Variants in CENPM observed in about 807,000 individuals in gnomAD.
CENPM encodes interphase centromere complex protein 39.
CENPM carries 14 observed loss-of-function variants against 19.6 expected under a neutral mutation model. The ratio of observed to expected loss-of-function variants is 0.71; its 90% CI spans 0.47 to 1.11. The LOEUF is 1.11. Ranked by LOEUF, CENPM falls within the 50% of genes most tolerant of loss-of-function variation. The probability of loss-of-function intolerance (pLI) is 0.00; values close to 1 mark genes in which losing one functional copy is unlikely to be tolerated. For synonymous variants in CENPM, 114 were observed against 101.5 expected (o/e 1.12, Z -0.74); for missense variants, 239 against 228.4 (o/e 1.05, Z -0.30).
intron 5 of CENPM, among the ~76,000 whole-genome samples, chr22:41,941,741 G>A (rs1331284889): frequency 6.6e-6 from 1 of 152,250 alleles, no homozygotes; most frequent in Non-Finnish European, 1.5e-5. Context: ...AGGCCTCAGG[G>A]TCCCATCTGT....
the CENPM span, among the ~76,000 whole-genome samples, chr22:41,927,411 C>G: frequency 5.9e-5 from 9 of 152,170 alleles, no homozygotes; most frequent in Non-Finnish European, 1.3e-4. Context: ...CAAAGCCTCT[C>G]CATGACCCCG....
chr22:41,937,351 A>G (rs535484718), downstream of CENPM, among the ~76,000 whole-genome samples: 1 of 152,194 alleles, frequency 6.6e-6, no homozygotes, highest in Non-Finnish European at 1.5e-5. Context: ...GCTGAAGTGC[A>G]GTGGTACGAT....
intron 3 of CENPM, 115 bp from the exon 4 acceptor site, chr22:41,945,419 C>G: frequency 6.8e-7 from 1 of 1,460,792 alleles, no homozygotes; most frequent in Non-Finnish European, 9.2e-7. Flanking sequence ...AAGAGGGTGA[C>G]TTTCTCTGGA....
the CENPM span, among the ~76,000 whole-genome samples, chr22:41,930,447 G>A: frequency 2.6e-5 from 4 of 152,036 alleles, no homozygotes; most frequent in African/African-American, 9.7e-5. Flanking sequence ...TAGCCAGGCT[G>A]GTCTTGAACT....
In CENPM at chr22:41,945,947, T is replaced by C. The variant is rs2077795428; in HGVS notation, c.196A>G (p.Ile66Val). ...CTGTGAAGATTAACCACAAACACGA[T>C]CAGGTCAATTCGGGGCCGATTCACA... ...SSVNRPRIDL[I>V]VFVVNLHSKY... The change falls in exon 3 of 6, where the codon ATC becomes GTC. Residue 66 changes from isoleucine to valine, a missense_variant. Ile to Val is a conservative substitution (Grantham distance 29). Transcript: ENST00000215980. 1 of 1,613,804 alleles carries C rather than the reference T, an allele frequency of 6.2e-7. No homozygotes were observed. The highest frequency in any genetic ancestry group is 8.5e-7 in the Non-Finnish European group (1 of 1,179,944).
At chr22:41,940,866 G>A (rs2077733052) in intron 5 of CENPM, among the ~76,000 whole-genome samples, 1 of 152,050 alleles carries the variant, frequency 6.6e-6, no homozygotes, top group South Asian at 2.1e-4. Flanking sequence ...CAGCAGCCTC[G>A]ACCCAGCCTC....
At chr22:41,930,193 G>A in the CENPM span, among the ~76,000 whole-genome samples, 9 of 148,914 alleles carry the variant, frequency 6.0e-5, no homozygotes, top group African/African-American at 1.7e-4. Context: ...TGCCCGCCTC[G>A]CCCTCCCAAA....
At chr22:41,941,392 C>T (rs1317413273) in intron 5 of CENPM, among the ~76,000 whole-genome samples, 1 of 152,212 alleles carries the variant, frequency 6.6e-6, no homozygotes, top group African/African-American at 2.4e-5. Context: ...GCGGCGGGAA[C>T]CAGGCTGGGA....
chr22:41,935,655 G>T (rs1174550416), downstream of CENPM, among the ~76,000 whole-genome samples: 1 of 152,182 alleles, frequency 6.6e-6, no homozygotes, highest in African/African-American at 2.4e-5. Context: ...GCGGGCGAAG[G>T]CCTGCTCAGG....
the CENPM span, among the ~76,000 whole-genome samples, chr22:41,928,919 T>C: frequency 2.0e-5 from 3 of 151,932 alleles, no homozygotes; most frequent in Admixed American, 2.0e-4. This position sits in a 1 kb window ranked among gnomAD's most constrained non-coding sequence, Gnocchi z 4.0. Context: ...CCCCCAGGTT[T>C]CCAGCTTGGG....
the CENPM span, among the ~76,000 whole-genome samples, chr22:41,932,795 C>T: frequency 1.3e-5 from 2 of 152,206 alleles, no homozygotes; most frequent in African/African-American, 2.4e-5. This position sits in a 1 kb window ranked among gnomAD's most constrained non-coding sequence, Gnocchi z 4.3. Flanking sequence ...GCCAACCTCC[C>T]AGGCCTTATT....
the CENPM span, among the ~76,000 whole-genome samples, chr22:41,931,750 G>A: frequency 1.3e-5 from 2 of 152,072 alleles, no homozygotes; most frequent in African/African-American, 2.4e-5. Context: ...CTTCAGGGAC[G>A]GGGTTGGGGA....
At chr22:41,936,973 G>A (rs140109430), downstream of CENPM, among the ~76,000 whole-genome samples, 575 of 152,234 alleles carry the variant, frequency 3.8e-3, 2 homozygotes, top group African/African-American at 0.012. Context: ...CCGAGGTGCT[G>A]GTGCAGTGCT....
At chr22:41,932,579 C>A in the CENPM span, among the ~76,000 whole-genome samples, 1 of 152,250 alleles carries the variant, frequency 6.6e-6, no homozygotes. The surrounding 1 kb of genome is among the most constrained non-coding windows in gnomAD (Gnocchi z 4.3). Flanking sequence ...CTCCTGCACT[C>A]CACAGGGTCT....
At chr22:41,930,838 C>CTTTT in the CENPM span, among the ~76,000 whole-genome samples, 16 of 122,532 alleles carry the variant, frequency 1.3e-4, no homozygotes, top group African/African-American at 4.7e-4. Flanking sequence ...TTATTCAAGT[C>CTTTT]TTTTTTTTTT....
intron 5 of CENPM, 87 bp downstream of exon 5, chr22:41,943,523 T>A: frequency 2.6e-6 from 3 of 1,165,050 alleles, no homozygotes; most frequent in Non-Finnish European, 3.7e-6. Flanking sequence ...AGTCCTTCGA[T>A]AAGCATTCCC....
chr22:41,936,750 G>A (rs1438297160), downstream of CENPM, among the ~76,000 whole-genome samples: 7 of 152,286 alleles, frequency 4.6e-5, no homozygotes, highest in East Asian at 1.9e-4. Context: ...CCAACATGGC[G>A]AAACCTGTGT....
downstream of CENPM, among the ~76,000 whole-genome samples, chr22:41,936,541 T>C (rs566792436): frequency 1.3e-5 from 2 of 152,258 alleles, no homozygotes; most frequent in South Asian, 4.1e-4. Flanking sequence ...AAGGGGCAGA[T>C]AGGGCCGCAT....
downstream of CENPM, among the ~76,000 whole-genome samples, chr22:41,937,496 G>A (rs1214923456): frequency 6.6e-6 from 1 of 152,090 alleles, no homozygotes; most frequent in Non-Finnish European, 1.5e-5. Flanking sequence ...GGGTTTCACC[G>A]TGTTGCCAGG....
Sources: gnomAD v4.1 joint callset for allele counts (sites outside exome capture counted in the v4.1 genomes callset) on GRCh38, gnomAD v4.1.1 for gene constraint, Gnocchi (gnomAD v3.1) non-coding constraint, MANE v1.5 for transcripts, NCBI Gene and HGNC (gene_info 2026-07-23, HGNC 2026-07-21) for gene names.